The following DSCAML1 variants were observed in gnomAD, a reference collection of about 807,000 sequenced individuals.
DSCAML1 encodes cell adhesion molecule DSCAML1.
In DSCAML1, 38 loss-of-function variants were observed where a neutral mutation model predicts 200.5. The observed-to-expected ratio is 0.19, with a 90% CI of 0.15 to 0.25. DSCAML1 has a LOEUF of 0.25. Among genes scored for constraint, DSCAML1 ranks in the 10% least tolerant of loss-of-function variants. The pLI, the probability that DSCAML1 is intolerant of heterozygous loss-of-function variation, is 1.00. For synonymous variants in DSCAML1, 1,215 were observed against 1,165.0 expected (o/e 1.04, Z -0.87); for missense variants, 2,223 against 2,858.8 (o/e 0.78, Z 5.07).
chr11:117,518,686 C>T lies in DSCAML1; in HGVS notation c.1290G>A (p.Ala430=), dbSNP rs756680782. 21 of 1,613,230 alleles carry T rather than the reference C, an allele frequency of 1.3e-5. No homozygotes were observed. The highest frequency in any genetic ancestry group is 6.7e-5 in the African/African-American group (5 of 74,934). The stretch of plus-strand genomic sequence containing the variant: ...CCGTGGGGGGCGGGGCGCCCTTGGC[C>T]GCACACATCAGTGAGAACTGCTCCC... ...NPGEQFSLMC[A]AKGAPPPTVT... Residue 430 remains alanine (A), a synonymous_variant, in exon 7 of 33, where the codon GCG becomes GCA. Coordinates refer to ENST00000651296, the MANE Select transcript of DSCAML1 (RefSeq NM_020693.4). The surrounding 1 kb of genome is among the most constrained non-coding windows in gnomAD (Gnocchi z 6.3).
At chr11:117,470,637 A>T (rs567280022) in intron 15 of DSCAML1, among the ~76,000 whole-genome samples, 1 of 152,330 alleles carries the variant, frequency 6.6e-6, no homozygotes, top group African/African-American at 2.4e-5. Context: ...ACAACTGCTT[A>T]TATCCCCTAG....
Position 117,780,635 on chromosome 11 carries a change from C to A in DSCAML1, c.222G>T (p.Arg74=). ...GCAGCGTCCCGTTGGCGTGGACGTG[C>A]CGGATGTGCGGCACGTCGTAGATGT... ...GDDIYDVPHI[R]HVHANGTLQL... is the part of the protein sequence containing the mutation. The change falls in exon 2 of 33, where the codon CGG becomes CGT. Residue 74 remains arginine, a synonymous_variant. Coordinates refer to ENST00000651296, the MANE Select transcript of DSCAML1 (RefSeq NM_020693.4). The surrounding 1 kb of genome is among the most constrained non-coding windows in gnomAD (Gnocchi z 4.8). 6.3e-7 allele frequency: 1 copy of A among 1,588,622 alleles called. No homozygotes were observed. The highest frequency in any genetic ancestry group is 1.3e-5 in the African/African-American group (1 of 74,112).
chr11:117,718,632 T>C (rs1414437667), intron 3 of DSCAML1, among the ~76,000 whole-genome samples: 1 of 148,630 alleles, frequency 6.7e-6, no homozygotes, highest in African/African-American at 2.5e-5. Flanking sequence ...CAGTTTTTCT[T>C]TCTAAAAATA....
intron 3 of DSCAML1, among the ~76,000 whole-genome samples, chr11:117,666,215 G>A (rs566373376): frequency 2.0e-5 from 3 of 152,246 alleles, no homozygotes; most frequent in East Asian, 3.9e-4. Context: ...GTGGACCCTC[G>A]AGCCAGCCTC....
At chr11:117,598,778 C>T (rs911574005) in intron 3 of DSCAML1, among the ~76,000 whole-genome samples, 14 of 152,128 alleles carry the variant, frequency 9.2e-5, no homozygotes, top group African/African-American at 2.9e-4. Context: ...GGGCACAAAG[C>T]GAGTTTGTCA....
chr11:117,622,596 C>T (rs1301052799), intron 3 of DSCAML1, among the ~76,000 whole-genome samples: 1 of 152,176 alleles, frequency 6.6e-6, no homozygotes, highest in Non-Finnish European at 1.5e-5. Context: ...ACTCCAGAGT[C>T]CTGGAGGAAG....
At position 117,524,990 on chromosome 11, in the gene DSCAML1, C is replaced by G. The variant is rs781369363; in HGVS notation, c.752G>C (p.Gly251Ala). ...HTVELPCTASGYPIPAIRWLK... is the reference protein window; with the variant it reads ...HTVELPCTASAYPIPAIRWLK... ...CCAGCGGATGGCGGGGATAGGGTAG[C>G]CCGAGGCGGTGCAGGGCAGCTCCAC... The change falls in exon 5 of 33, where the codon GGC becomes GCC. Residue 251 changes from glycine to alanine, a missense_variant. By Grantham distance (60) the Gly-to-Ala change is moderately conservative (BLOSUM62 0). Coordinates refer to ENST00000651296, the MANE Select transcript of DSCAML1 (RefSeq NM_020693.4). The G allele has an allele frequency of 3.1e-6, 5 of 1,611,822 alleles. No individual in the cohort carries two copies. The East Asian group carries it at 1.1e-4, about 36-fold the overall frequency.
chr11:117,561,889 A>G lies in DSCAML1; in HGVS notation c.512-29367T>C, dbSNP rs1429645794. 5.3e-5 allele frequency among the ~76,000 whole-genome samples: 8 copies of G among 152,356 alleles called. No homozygotes were observed. The East Asian group carries it at 1.5e-3, about 29-fold the overall frequency. On this transcript the variant is annotated intron_variant, in intron 3 of 32. Transcript: ENST00000651296. ...CTGCTTTGACTCCAGCTGTTTCCTC[A>G]GCACCTTCCACAATGCCTGGCACCA...
At chr11:117,709,300 A>G (rs1216995511) in intron 3 of DSCAML1, among the ~76,000 whole-genome samples, 2 of 152,206 alleles carry the variant, frequency 1.3e-5, no homozygotes. Context: ...CAAGGTGCCA[A>G]TGGGGTCAGA....
At chr11:117,565,709 T>A (rs564099842) in intron 3 of DSCAML1, among the ~76,000 whole-genome samples, 2 of 152,300 alleles carry the variant, frequency 1.3e-5, no homozygotes, top group Non-Finnish European at 2.9e-5. Context: ...TTTGGTGTTT[T>A]TTTCCCCCTC....
chr11:117,626,534 C>A (rs1263984427), intron 3 of DSCAML1, among the ~76,000 whole-genome samples: 1 of 152,142 alleles, frequency 6.6e-6, no homozygotes, highest in Non-Finnish European at 1.5e-5. Flanking sequence ...TTCACTGGGG[C>A]AGTCATGTCT....
At chr11:117,806,200 G>A (rs1481998118) in intron 1 of DSCAML1, among the ~76,000 whole-genome samples, 3 of 152,240 alleles carry the variant, frequency 2.0e-5, no homozygotes, top group Admixed American at 2.0e-4. Context: ...CGATAAGTCT[G>A]TGAAGAGAGC....
Position 117,635,447 on chromosome 11 carries a change from G to GGTGTGT in DSCAML1, c.512-102931_512-102926dup, listed in dbSNP as rs201976004. Among the ~76,000 whole-genome samples the GGTGTGT allele has an allele frequency of 7.7e-3, 1,131 of 146,734 alleles. 8 individuals carry two copies. Among genetic ancestry groups the GGTGTGT allele is most frequent in the African/African-American group, 0.025 (1,001 of 40,190 alleles). ...AAGTGCAGAACGTCCTAGTGTGTGT[G>GGTGTGT]GTGTGTGTGTGTGTGTGTGTGTGTG... On this transcript the variant is annotated intron_variant, in intron 3 of 32. Transcript: ENST00000651296.
chr11:117,789,959 T>C (rs1405942591), intron 1 of DSCAML1, among the ~76,000 whole-genome samples: 1 of 152,108 alleles, frequency 6.6e-6, no homozygotes, highest in African/African-American at 2.4e-5. Flanking sequence ...AGCCTCTGAT[T>C]AGGGGACAGA....
At chr11:117,640,242 A>T (rs2052379056) in intron 3 of DSCAML1, among the ~76,000 whole-genome samples, 1 of 152,118 alleles carries the variant, frequency 6.6e-6, no homozygotes, top group Non-Finnish European at 1.5e-5. Context: ...CAGCCCTCTC[A>T]TGGACCAAGG....
At chr11:117,704,993 G>C (rs146531075) in intron 3 of DSCAML1, among the ~76,000 whole-genome samples, 2 of 152,160 alleles carry the variant, frequency 1.3e-5, no homozygotes, top group Non-Finnish European at 2.9e-5. Flanking sequence ...ACGAGTGTGC[G>C]CCCCGGATGT....
chr11:117,673,411 C>T (rs989544354), intron 3 of DSCAML1, among the ~76,000 whole-genome samples: 13 of 152,184 alleles, frequency 8.5e-5, no homozygotes, highest in Admixed American at 7.9e-4. Context: ...AATCCTGTCT[C>T]CTGCCCATTT....
At chr11:117,687,497 C>G (rs2053423783) in intron 3 of DSCAML1, among the ~76,000 whole-genome samples, 1 of 145,554 alleles carries the variant, frequency 6.9e-6, no homozygotes, top group Admixed American at 7.1e-5. Context: ...AACTCCTGGG[C>G]TCAAGCAATT....
intron 3 of DSCAML1, among the ~76,000 whole-genome samples, chr11:117,604,413 C>T (rs1387838040): frequency 6.6e-6 from 1 of 152,024 alleles, no homozygotes; most frequent in Non-Finnish European, 1.5e-5. Context: ...TCCCTCCCTC[C>T]CAGCGCCTGC....
Sources: allele counts gnomAD v4.1 joint callset (sites outside exome capture counted in the v4.1 genomes callset), GRCh38; gene constraint gnomAD v4.1.1; non-coding constraint Gnocchi (gnomAD v3.1); transcripts MANE v1.5; gene names NCBI Gene and HGNC (gene_info 2026-07-23, HGNC 2026-07-21).